Variants in PRORP observed in about 807,000 individuals in gnomAD.
PRORP encodes protein only RNase P catalytic subunit.
Under a neutral mutation model 59.4 loss-of-function variants are expected in PRORP, and 51 were observed. The observed-to-expected ratio is 0.86, with a 90% CI of 0.69 to 1.08. PRORP has a LOEUF of 1.08. Ranked by LOEUF, PRORP falls within the 50% of genes least tolerant of loss-of-function variation. The pLI, the probability that PRORP is intolerant of heterozygous loss-of-function variation, is 0.00. For synonymous variants in PRORP, 231 were observed against 245.6 expected (o/e 0.94, Z 0.55); for missense variants, 646 against 690.3 (o/e 0.94, Z 0.72).
At chr14:35,198,604 AATTTC>A (rs1232733922) in intron 5 of PRORP, among the ~76,000 whole-genome samples, 1 of 152,214 alleles carries the variant, frequency 6.6e-6, no homozygotes, top group Admixed American at 6.5e-5. Context: ...TTATAATTAT[AATTTC>A]ATTTCAGTTC....
chr14:35,170,996 T>A (rs1158394231), intron 4 of PRORP, among the ~76,000 whole-genome samples: 1 of 152,042 alleles, frequency 6.6e-6, no homozygotes, highest in African/African-American at 2.4e-5. Flanking sequence ...ATTACAGGCG[T>A]GTGCCACCAC....
intron 5 of PRORP, among the ~76,000 whole-genome samples, chr14:35,256,573 G>A (rs1201869592): frequency 2.6e-5 from 4 of 151,596 alleles, no homozygotes; most frequent in African/African-American, 7.3e-5. Context: ...CTCGTGATCC[G>A]CCCACCTTGG....
At chr14:35,187,428 G>GTTTTTTTTT (rs34808330) in intron 5 of PRORP, among the ~76,000 whole-genome samples, 1 of 138,980 alleles carries the variant, frequency 7.2e-6, no homozygotes. Flanking sequence ...TAGTTTCTTT[G>GTTTTTTTTT]TTTTTTTTTT....
At chr14:35,125,236 G>A (rs10141085) in intron 2 of PRORP, among the ~76,000 whole-genome samples, 121,083 of 152,028 alleles carry the variant, frequency 0.8, 48,512 homozygotes, top group Non-Finnish European at 0.84. Context: ...AGCCTTATAC[G>A]TAAGCATTAC....
At chr14:35,201,637 T>G (rs1440663832) in intron 5 of PRORP, among the ~76,000 whole-genome samples, 1 of 151,492 alleles carries the variant, frequency 6.6e-6, no homozygotes, top group Non-Finnish European at 1.5e-5. Flanking sequence ...AAAATTTTAT[T>G]TATTTATTTA....
chr14:35,170,995 G>A (rs545892875), intron 4 of PRORP, among the ~76,000 whole-genome samples: 2 of 151,926 alleles, frequency 1.3e-5, no homozygotes, highest in East Asian at 1.9e-4. Context: ...GATTACAGGC[G>A]TGTGCCACCA....
chr14:35,177,109 A>G (rs1309020882), intron 4 of PRORP, among the ~76,000 whole-genome samples: 1 of 152,160 alleles, frequency 6.6e-6, no homozygotes, highest in African/African-American at 2.4e-5. Flanking sequence ...ATCGTGGTGG[A>G]TAAGCTTTTT....
chr14:35,203,478 G>A (rs2049208764), intron 5 of PRORP, among the ~76,000 whole-genome samples: 3 of 151,530 alleles, frequency 2.0e-5, no homozygotes, highest in Non-Finnish European at 2.9e-5. Flanking sequence ...AGTGAGCCAA[G>A]ATCACACCAC....
At chr14:35,186,420 G>C (rs961899841) in intron 5 of PRORP, among the ~76,000 whole-genome samples, 2 of 151,350 alleles carry the variant, frequency 1.3e-5, no homozygotes, top group African/African-American at 4.9e-5. Context: ...GCACAATTCA[G>C]TGGTTTTTAC....
At chr14:35,224,046 T>C (rs1362319210) in intron 5 of PRORP, among the ~76,000 whole-genome samples, 1 of 152,168 alleles carries the variant, frequency 6.6e-6, no homozygotes, top group Non-Finnish European at 1.5e-5. Context: ...TTCTCTCTCA[T>C]TTCCTTAAAG....
In PRORP at chr14:35,201,958, A is replaced by G. The variant is rs1039324163; in HGVS notation, c.1275+21181A>G. ...CAGGCATGAGTCACCGTGCCCCGCC[A>G]CAAAATTATTATTATTTTTTTTTTT... On this transcript the variant is annotated intron_variant, in intron 5 of 7. Coordinates refer to ENST00000534898, the MANE Select transcript of PRORP (RefSeq NM_014672.4). Among the ~76,000 whole-genome samples the G allele has an allele frequency of 2.7e-5, 4 of 146,170 alleles. No individual in the cohort carries two copies. The South Asian group carries it at 6.5e-4, about 24-fold the overall frequency.
At chr14:35,221,130 C>A (rs2049768135) in intron 5 of PRORP, among the ~76,000 whole-genome samples, 1 of 152,182 alleles carries the variant, frequency 6.6e-6, no homozygotes, top group Non-Finnish European at 1.5e-5. Context: ...GTTTTAGAGC[C>A]TTGCCTCCCA....
intron 5 of PRORP, among the ~76,000 whole-genome samples, chr14:35,264,548 A>T (rs1020712210): frequency 6.6e-6 from 1 of 152,118 alleles, no homozygotes; most frequent in Non-Finnish European, 1.5e-5. Context: ...GTGAGCCACC[A>T]TACCCGGCCC....
At position 35,229,997 on chromosome 14, in the gene PRORP, T is replaced by C. The variant is rs560609073; in HGVS notation, c.1276-36730T>C. On this transcript the variant is annotated intron_variant, in intron 5 of 7. Transcript: ENST00000534898. The stretch of plus-strand genomic sequence containing the variant: ...GATCCTGTGTAAACTTCTGGGTACA[T>C]ATTTTTTTTCTCAAGAAGCTCGAGT... Among the ~76,000 whole-genome samples the C allele has an allele frequency of 2.6e-5, 4 of 151,876 alleles. No individual in the cohort carries two copies. In the South Asian group the frequency reaches 8.3e-4, roughly 32 times the overall value.
chr14:35,191,408 C>CT (rs901454991), intron 5 of PRORP, among the ~76,000 whole-genome samples: 1 of 152,152 alleles, frequency 6.6e-6, no homozygotes, highest in Non-Finnish European at 1.5e-5. Context: ...TTGGGTATGT[C>CT]TTTATCAGTA....
chr14:35,122,180 G>A, upstream of PRORP: 1 of 566,374 alleles, frequency 1.8e-6, no homozygotes. Flanking sequence ...AACTATGAAA[G>A]AGATGGAAAA....
At chr14:35,171,012 G>A (rs2048302230) in intron 4 of PRORP, among the ~76,000 whole-genome samples, 1 of 152,088 alleles carries the variant, frequency 6.6e-6, no homozygotes, top group South Asian at 2.1e-4. Flanking sequence ...ACCACACCCA[G>A]CTAATTTTGT....
rs1320595395 is a variant in PRORP at position 35,123,836 on chromosome 14, C to G, written c.591C>G (p.Val197=). Residue 197 remains valine (V), a synonymous_variant, in exon 2 of 8, where the codon GTC becomes GTG. Coordinates refer to ENST00000534898, the MANE Select transcript of PRORP (RefSeq NM_014672.4). The part of the protein sequence containing the change: ...FHMQTSEVID[V]FEIMKARYKT... ...TGCAGACATCTGAAGTTATTGATGT[C>G]TTTGAAATTATGAAAGCCAGATATA... 3.7e-6 allele frequency: 6 copies of G among 1,614,054 alleles called. No individual in the cohort carries two copies. The African/African-American group carries it at 4.0e-5, about 11-fold the overall frequency.
chr14:35,155,553 G>A (rs1270718121), intron 4 of PRORP, among the ~76,000 whole-genome samples: 3 of 104,420 alleles, frequency 2.9e-5, no homozygotes, highest in African/African-American at 1.0e-4. Flanking sequence ...GAGACCTGGT[G>A]TCTATTTAAA....
Sources: gnomAD v4.1 joint callset for allele counts (sites outside exome capture counted in the v4.1 genomes callset) on GRCh38, gnomAD v4.1.1 for gene constraint, MANE v1.5 for transcripts, NCBI Gene and HGNC (gene_info 2026-07-23, HGNC 2026-07-21) for gene names.